Variants in PPIP5K2 observed in about 807,000 individuals in gnomAD.
PPIP5K2 encodes the protein inositol hexakisphosphate and diphosphoinositol-pentakisphosphate kinase 2.
PPIP5K2 carries 105 observed loss-of-function variants against 154.6 expected under a neutral mutation model. The ratio of observed to expected loss-of-function variants is 0.68; its 90% CI spans 0.58 to 0.80. The LOEUF is 0.80. Ranked by LOEUF, PPIP5K2 falls within the 30% of genes least tolerant of loss-of-function variation. PPIP5K2 has a pLI of 0.00. For missense variants in PPIP5K2, 992 were observed against 1,504.6 expected (o/e 0.66, Z 5.64); for synonymous variants, 480 against 490.3 (o/e 0.98, Z 0.28).
chr5:103,210,562 C>T lies in PPIP5K2; in HGVS notation c.*8928C>T, dbSNP rs1803752120. 1 of 152,008 alleles carries T rather than the reference C, an allele frequency of 6.6e-6. No individual in the cohort carries two copies. Among genetic ancestry groups the T allele is most frequent in the African/African-American group, 2.4e-5 (1 of 41,408 alleles). 9.4% of individuals were successfully genotyped at this position (152,008 alleles called of 1,614,324 possible). A position where few individuals can be genotyped will look rare whatever the true frequency, so the allele number is the denominator to read the frequency against. On this transcript the variant is annotated 3_prime_UTR_variant, in exon 31 of 31. Coordinates refer to ENST00000358359, the MANE Select transcript of PPIP5K2 (RefSeq NM_001276277.3). ...GTAGAGCTATGTAGTGGTAGACTAT[C>T]TGGGAGACTCTAGAATCTTTACCAT...
At chr5:103,158,375 T>C (rs1554214395) in intron 15 of PPIP5K2, 62 bp downstream of exon 15, 3 of 1,594,786 alleles carry the variant, frequency 1.9e-6, no homozygotes, top group Non-Finnish European at 2.6e-6. Context: ...AAATCCTCAT[T>C]TGTGATGTTA....
chr5:103,176,853 T>C (rs1554221096), intron 21 of PPIP5K2: 2 of 1,375,348 alleles, frequency 1.5e-6, no homozygotes, highest in Non-Finnish European at 2.0e-6. Context: ...GCTCTATGAT[T>C]ACATGTTTAA....
rs114597495 is a variant in PPIP5K2 at position 103,186,333 on chromosome 5, G to A, written c.3183G>A (p.Ala1061=). 3.0e-5 allele frequency: 49 copies of A among 1,613,754 alleles called. No homozygotes were observed. Among genetic ancestry groups the A allele is most frequent in the Admixed American group, 1.0e-4 (6 of 59,942 alleles). Residue 1061 remains alanine (A), a synonymous_variant, in exon 27 of 31, where the codon GCG becomes GCA. Coordinates refer to ENST00000358359, the MANE Select transcript of PPIP5K2 (RefSeq NM_001276277.3). Reference sequence around the variant, plus strand: ...AACTCCCATCAGGGTCTCACTGTGCGGGCCTGTTTAGCACCTCGGTGCTCG... The same window carrying A: ...AACTCCCATCAGGGTCTCACTGTGCAGGCCTGTTTAGCACCTCGGTGCTCG... The part of the protein sequence containing the change: ...KQNPTVGSHC[A]GLFSTSVLGG...
At chr5:103,163,558 C>T (rs1216239991) in intron 17 of PPIP5K2, among the ~76,000 whole-genome samples, 1 of 151,606 alleles carries the variant, frequency 6.6e-6, no homozygotes, top group African/African-American at 2.4e-5. Context: ...CTTTTTCTTG[C>T]TTTCCATAGG....
At chr5:103,201,466 G>T (rs1554230243) in intron 30 of PPIP5K2, 56 bp from the exon 31 acceptor site, 1 of 1,037,838 alleles carries the variant, frequency 9.6e-7, no homozygotes, top group Non-Finnish European at 1.4e-6. Context: ...TTTGAACTTG[G>T]ATTGTTTGTG....
chr5:103,130,170 G>T (rs983476679), intron 2 of PPIP5K2, among the ~76,000 whole-genome samples: 1 of 152,152 alleles, frequency 6.6e-6, no homozygotes, highest in African/African-American at 2.4e-5. Flanking sequence ...TCTGAAAACT[G>T]AGTGGCTAGA....
In PPIP5K2 at chr5:103,208,984, AGAG is replaced by A. The variant is rs1288673312; in HGVS notation, c.*7359_*7361del. 6.6e-6 allele frequency: 1 copy of A among 152,202 alleles called. No individual in the cohort carries two copies. The highest frequency in any genetic ancestry group is 2.4e-5 in the African/African-American group (1 of 41,454). The allele number at this position is 152,202 out of a possible 1,614,324, so 9.4% of individuals were successfully genotyped here. A position where few individuals can be genotyped will look rare whatever the true frequency, so the allele number is the denominator to read the frequency against. On this transcript the variant is annotated 3_prime_UTR_variant, in exon 31 of 31. Coordinates refer to ENST00000358359, the MANE Select transcript of PPIP5K2 (RefSeq NM_001276277.3). ...GGTTAATATTCTTTGACAAGAAGGA[AGAG>A]GAGGAGGAAGAAGAACAAAAGAAGC...
rs1794795618 is a variant in PPIP5K2 at position 103,152,615 on chromosome 5, C to T, written c.1029-33C>T. ...GTACCCAGTTTTGTCTTAAAACGTA[C>T]TAATTTTAAATCTTTTCTTTTTTGT... On this transcript the variant is annotated intron_variant, in intron 9 of 30. Coordinates refer to ENST00000358359, the MANE Select transcript of PPIP5K2 (RefSeq NM_001276277.3). 4 of 1,394,712 alleles carry T rather than the reference C, an allele frequency of 2.9e-6. No homozygotes were observed. The African/African-American group carries it at 5.7e-5, about 20-fold the overall frequency. The allele number at this position is 1,394,712 out of a possible 1,614,324, so 86.4% of individuals were successfully genotyped here.
intron 30 of PPIP5K2, among the ~76,000 whole-genome samples, chr5:103,196,236 T>C (rs987686135): frequency 7.2e-5 from 11 of 152,210 alleles, no homozygotes; most frequent in Admixed American, 6.5e-5. Flanking sequence ...AATGTATTTA[T>C]ATGATTATCA....
rs1213561926 is a variant in PPIP5K2 at position 103,202,145 on chromosome 5, A to G, written c.*511A>G. On this transcript the variant is annotated 3_prime_UTR_variant, in exon 31 of 31. Transcript: ENST00000358359. ...TTGTTACAGTGACATATATGCTGCA[A>G]TATTTAACAACTGGAGTATTAGCCA... 1 of 152,714 alleles carries G rather than the reference A, an allele frequency of 6.5e-6. No homozygotes were observed. The highest frequency in any genetic ancestry group is 1.5e-5 in the Non-Finnish European group (1 of 68,082). 9.5% of individuals were successfully genotyped at this position (152,714 alleles called of 1,614,324 possible). A position where few individuals can be genotyped will look rare whatever the true frequency, so the allele number is the denominator to read the frequency against.
intron 13 of PPIP5K2, 73 bp from the exon 14 acceptor site, chr5:103,155,835 TA>T: frequency 1.0e-6 from 1 of 958,742 alleles, no homozygotes; most frequent in Non-Finnish European, 1.7e-6. Context: ...CGGTTACAAA[TA>T]AAAGGGAGCA....
intron 2 of PPIP5K2, among the ~76,000 whole-genome samples, chr5:103,132,261 G>C (rs1554202860): frequency 6.6e-6 from 1 of 152,154 alleles, no homozygotes; most frequent in African/African-American, 2.4e-5. Flanking sequence ...AACAATTTAG[G>C]CTGGGCGTGG....
Position 103,155,995 on chromosome 5 carries a change from G to T in PPIP5K2, c.1489+1G>T, listed in dbSNP as rs1019185783. Reference sequence around the variant, plus strand: ...CCTAAAACATCTAGTGAAGAGGAGGGTATGTTATTCTTAATGCTTATACAG... The same window carrying T: ...CCTAAAACATCTAGTGAAGAGGAGGTTATGTTATTCTTAATGCTTATACAG... On this transcript the variant is annotated splice_donor_variant, in intron 14 of 30. Transcript: ENST00000358359. LOFTEE classifies it high-confidence loss of function. The T allele has an allele frequency of 7.0e-6, 11 of 1,561,346 alleles. No individual in the cohort carries two copies. Among genetic ancestry groups the T allele is most frequent in the South Asian group, 1.1e-5 (1 of 89,816 alleles).
chr5:103,185,529 A>G (rs1800223600), intron 26 of PPIP5K2, among the ~76,000 whole-genome samples: 1 of 152,036 alleles, frequency 6.6e-6, no homozygotes, highest in South Asian at 2.1e-4. Context: ...CCTACAGTAT[A>G]TTTATAGAAA....
At chr5:103,134,523 A>T (rs74776538) in intron 3 of PPIP5K2, among the ~76,000 whole-genome samples, 1 of 152,154 alleles carries the variant, frequency 6.6e-6, no homozygotes, top group African/African-American at 2.4e-5. Flanking sequence ...ATTGATGTTC[A>T]TTATTTCATA....
chr5:103,195,138 C>T (rs1006917815), intron 30 of PPIP5K2, 113 bp downstream of exon 30: 58 of 1,303,464 alleles, frequency 4.4e-5, no homozygotes, highest in Non-Finnish European at 5.9e-5. Context: ...TTCCCTAGAG[C>T]GTAATGATCC....
chr5:103,176,042 T>TG (rs1554220875), intron 21 of PPIP5K2, among the ~76,000 whole-genome samples: 1 of 152,078 alleles, frequency 6.6e-6, no homozygotes, highest in African/African-American at 2.4e-5. Context: ...TCAGAATGGA[T>TG]GGGGTAAAAT....
At chr5:103,151,710 T>C (rs1794672385) in intron 9 of PPIP5K2, among the ~76,000 whole-genome samples, 1 of 151,762 alleles carries the variant, frequency 6.6e-6, no homozygotes, top group South Asian at 2.1e-4. Flanking sequence ...TTCTACTTAA[T>C]GGACAAAATT....
rs1286489550 is a variant in PPIP5K2, at chr5:103,188,160, A to G, written c.3352+784A>G. Among the ~76,000 whole-genome samples, 3 of 152,280 alleles carry G rather than the reference A, an allele frequency of 2.0e-5. No homozygotes were observed. In the East Asian group the frequency reaches 5.8e-4, roughly 29 times the overall value. Reference sequence around the variant, plus strand: ...TGTAAAAGGAATTATTGCCATTACAACTTCTAACATAGAGCTTGATATTGT... The same window carrying G: ...TGTAAAAGGAATTATTGCCATTACAGCTTCTAACATAGAGCTTGATATTGT... On this transcript the variant is annotated intron_variant, in intron 28 of 30. Transcript: ENST00000358359.
Sources: allele counts gnomAD v4.1 joint callset (sites outside exome capture counted in the v4.1 genomes callset), GRCh38; gene constraint gnomAD v4.1.1; transcripts MANE v1.5; gene names NCBI Gene and HGNC (gene_info 2026-07-23, HGNC 2026-07-21).